Variants in CCDC18 observed in about 807,000 individuals in gnomAD.
CCDC18 encodes the protein coiled-coil domain containing 18.
CCDC18 carries 157 observed loss-of-function variants against 196.0 expected under a neutral mutation model. The observed-to-expected ratio is 0.80, with a 90% CI of 0.70 to 0.91. The LOEUF is 0.91. Among genes scored for constraint, CCDC18 ranks in the 40% least tolerant of loss-of-function variants. The pLI is 0.00. For missense variants in CCDC18, 1,465 were observed against 1,611.6 expected (o/e 0.91, Z 1.56); for synonymous variants, 482 against 529.2 (o/e 0.91, Z 1.22).
intron 18 of CCDC18, among the ~76,000 whole-genome samples, chr1:93,235,886 CAT>C (rs1660007801): frequency 6.6e-6 from 1 of 151,884 alleles, no homozygotes; most frequent in African/African-American, 2.4e-5. Context: ...CATTTGAGGT[CAT>C]GTGGAAATCT....
In CCDC18 at chr1:93,246,899, A is replaced by C; in HGVS notation, c.3143A>C (p.Lys1048Thr). The C allele has an allele frequency of 6.5e-7, 1 of 1,541,584 alleles. No individual in the cohort carries two copies. The highest frequency in any genetic ancestry group is 1.2e-5 in the South Asian group (1 of 84,878). ...HRGEMEQKII[K>T]LEGTLEKSEL... is the part of the protein sequence containing the mutation. ...GGAGAAATGGAACAAAAAATAATTA[A>C]ATTAGAAGGTACTCTGGAGAAATCA... Residue 1048 changes from lysine to threonine, a missense_variant, in exon 23 of 29, where the codon AAA becomes ACA. Lys to Thr is a moderately conservative substitution (Grantham distance 78). Coordinates refer to ENST00000690025, the MANE Select transcript of CCDC18 (RefSeq NM_001378204.1).
chr1:93,195,460 C>A (rs1047800380), intron 6 of CCDC18, among the ~76,000 whole-genome samples: 3 of 152,080 alleles, frequency 2.0e-5, no homozygotes, highest in African/African-American at 7.2e-5. Flanking sequence ...ACTCTTGGAG[C>A]TTTTTGAAGA....
At chr1:93,201,425 A>G (rs1485230543) in intron 6 of CCDC18, among the ~76,000 whole-genome samples, 1 of 152,112 alleles carries the variant, frequency 6.6e-6, no homozygotes, top group East Asian at 1.9e-4. Context: ...CTAGATTTTT[A>G]TATCTGGTAT....
At chr1:93,191,065 G>A in intron 4 of CCDC18, 1 of 739,248 alleles carries the variant, frequency 1.4e-6, no homozygotes, top group South Asian at 1.5e-5. Context: ...CACCATGTTT[G>A]CGGGAGTGCT....
rs780331743 is a variant in CCDC18, at chr1:93,246,903, A to G, written c.3147A>G (p.Leu1049=). 6.5e-6 allele frequency: 10 copies of G among 1,538,348 alleles called. No homozygotes were observed. The highest frequency in any genetic ancestry group is 8.9e-6 in the Non-Finnish European group (10 of 1,125,144). Reference sequence around the variant, plus strand: ...AAATGGAACAAAAAATAATTAAATTAGAAGGTACTCTGGAGAAATCAGAAT... The same window carrying G: ...AAATGGAACAAAAAATAATTAAATTGGAAGGTACTCTGGAGAAATCAGAAT... ...RGEMEQKIIK[L]EGTLEKSELE... The change falls in exon 23 of 29, where the codon TTA becomes TTG. Residue 1049 remains leucine, a synonymous_variant. Coordinates refer to ENST00000690025, the MANE Select transcript of CCDC18 (RefSeq NM_001378204.1).
At chr1:93,242,687 A>G (rs1660980689) in intron 21 of CCDC18, among the ~76,000 whole-genome samples, 1 of 152,186 alleles carries the variant, frequency 6.6e-6, no homozygotes, top group Non-Finnish European at 1.5e-5. Context: ...GTAAAATCAA[A>G]AGCAAGTTAG....
chr1:93,180,499 C>T (rs906934713), upstream of CCDC18: 5 of 1,532,826 alleles, frequency 3.3e-6, no homozygotes, highest in East Asian at 2.6e-5. Flanking sequence ...GTGAGCGCCG[C>T]CCGCCTCTCC....
chr1:93,226,267 A>C lies in CCDC18; in HGVS notation c.2176-66A>C, dbSNP rs1570446921. ...AGCAGTCAGGTAACATTAGGAGATA[A>C]ATCTGTAAAATATTGAGTATATCGT... is the stretch of plus-strand genomic sequence containing the variant. On this transcript the variant is annotated intron_variant, in intron 16 of 28. Coordinates refer to ENST00000690025, the MANE Select transcript of CCDC18 (RefSeq NM_001378204.1). 5 of 729,362 alleles carry C rather than the reference A, an allele frequency of 6.9e-6. No individual in the cohort carries two copies. In the East Asian group the frequency reaches 1.3e-4, roughly 19 times the overall value. 45.2% of individuals were successfully genotyped at this position (729,362 alleles called of 1,614,324 possible).
At chr1:93,183,187 C>G (rs1215473446) in intron 1 of CCDC18, among the ~76,000 whole-genome samples, 173 bp from the exon 2 acceptor site, 20 of 152,070 alleles carry the variant, frequency 1.3e-4, no homozygotes, top group Admixed American at 1.3e-3. Flanking sequence ...TATGGCTTTA[C>G]ACTACAGATA....
intron 14 of CCDC18, among the ~76,000 whole-genome samples, chr1:93,220,141 G>T (rs552135594): frequency 1.3e-5 from 2 of 152,122 alleles, no homozygotes; most frequent in African/African-American, 4.8e-5. Context: ...AAAGCACCCA[G>T]AGATAAATGA....
At position 93,226,315 on chromosome 1, in the gene CCDC18, G is replaced by GTTTTT; in HGVS notation, c.2176-18_2176-17insTTTTT. On this transcript the variant is annotated splice_polypyrimidine_tract_variant and intron_variant, in intron 16 of 28. Coordinates refer to ENST00000690025, the MANE Select transcript of CCDC18 (RefSeq NM_001378204.1). Reference sequence around the variant, plus strand: ...CGTTTTGTGTTTTTTTTTTTTTTTTGCTTTTTTTCCTGCTTAGGTTAGGCA... The same window carrying GTTTTT: ...CGTTTTGTGTTTTTTTTTTTTTTTTGTTTTTCTTTTTTTCCTGCTTAGGTTAGGCA... The GTTTTT allele has an allele frequency of 5.6e-6, 2 of 356,552 alleles. No individual in the cohort carries two copies. The highest frequency in any genetic ancestry group is 5.5e-5 in the East Asian group (1 of 18,090). 22.1% of individuals were successfully genotyped at this position (356,552 alleles called of 1,614,324 possible). A position where few individuals can be genotyped will look rare whatever the true frequency, so the allele number is the denominator to read the frequency against.
chr1:93,181,049 G>T (rs1482440123), intron 1 of CCDC18, among the ~76,000 whole-genome samples, 197 bp downstream of exon 1: 2 of 151,830 alleles, frequency 1.3e-5, no homozygotes, highest in Non-Finnish European at 2.9e-5. Flanking sequence ...GGGCGCAGTG[G>T]CTTACGCCTG....
rs544607532 is a variant in CCDC18, at chr1:93,191,919, C to T, written c.463-81C>T. 7.8e-6 allele frequency: 7 copies of T among 893,228 alleles called. No homozygotes were observed. In the Admixed American group the frequency reaches 1.3e-4, roughly 16 times the overall value. 55.3% of individuals were successfully genotyped at this position (893,228 alleles called of 1,614,324 possible). On this transcript the variant is annotated intron_variant, in intron 4 of 28. Transcript: ENST00000690025. ...ATTTGGGAGCCCTATTGAACACCCTCATCTGACAGGAAAAAAACTAAGGAC... is the reference window on the plus strand; with the variant it reads ...ATTTGGGAGCCCTATTGAACACCCTTATCTGACAGGAAAAAAACTAAGGAC...
rs917961879 is a variant in CCDC18, at chr1:93,232,533, A to G, written c.2400A>G (p.Leu800=). The change falls in exon 18 of 29, where the codon TTA becomes TTG. Residue 800 remains leucine, a synonymous_variant. Transcript: ENST00000690025. ...QHTLQQQQQM[L]QQETIRNGEL... is the part of the protein sequence containing the mutation. The stretch of plus-strand genomic sequence containing the variant: ...CTCTTCAGCAACAGCAGCAAATGTT[A>G]CAACAAGAGACAATTAGAAATGGAG... 5 of 1,612,814 alleles carry G rather than the reference A, an allele frequency of 3.1e-6. No individual in the cohort carries two copies. The highest frequency in any genetic ancestry group is 1.6e-4 in the Middle Eastern group (1 of 6,078).
intron 6 of CCDC18, among the ~76,000 whole-genome samples, chr1:93,199,248 G>A (rs1446988057): frequency 6.6e-6 from 1 of 152,248 alleles, no homozygotes; most frequent in Non-Finnish European, 1.5e-5. Flanking sequence ...GGGTGAGCTA[G>A]GTGCAGAATG....
chr1:93,204,850 CT>C (rs1654465509), intron 7 of CCDC18, among the ~76,000 whole-genome samples: 1 of 151,602 alleles, frequency 6.6e-6, no homozygotes, highest in Admixed American at 6.6e-5. Flanking sequence ...AAAGAGGGTC[CT>C]TGTGGGAATG....
intron 21 of CCDC18, among the ~76,000 whole-genome samples, chr1:93,245,000 G>GCTCTAACATAGCATTTAATA (rs1661305483): frequency 6.6e-6 from 1 of 152,094 alleles, no homozygotes; most frequent in Non-Finnish European, 1.5e-5. Flanking sequence ...TGCAGTTAAT[G>GCTCTAACATAGCATTTAATA]CTCTAACATA....
chr1:93,193,719 C>A lies in CCDC18; in HGVS notation c.673C>A (p.Leu225Ile). 6.4e-7 allele frequency: 1 copy of A among 1,573,572 alleles called. No individual in the cohort carries two copies. The highest frequency in any genetic ancestry group is 8.6e-7 in the Non-Finnish European group (1 of 1,165,364). ...ATGTATAAAATTAAAGGTGGACTTA[C>A]TTGAACAAACCAAACAAGGAAAAAG... is the stretch of plus-strand genomic sequence containing the variant. ...EECIKLKVDL[L>I]EQTKQGKRAE... The change falls in exon 6 of 29, where the codon CTT becomes ATT. Residue 225 changes from leucine (L) to isoleucine (I), a missense_variant. Physicochemically the swap from Leu to Ile is conservative, Grantham distance 5 (BLOSUM62 2). Coordinates refer to ENST00000690025, the MANE Select transcript of CCDC18 (RefSeq NM_001378204.1).
chr1:93,185,783 T>C (rs1650558694), intron 3 of CCDC18, among the ~76,000 whole-genome samples: 1 of 151,942 alleles, frequency 6.6e-6, no homozygotes, highest in African/African-American at 2.4e-5. Flanking sequence ...TTTCAAGTTT[T>C]GAATTGCATA....
Sources: gnomAD v4.1 joint callset for allele counts (sites outside exome capture counted in the v4.1 genomes callset) on GRCh38, gnomAD v4.1.1 for gene constraint, MANE v1.5 for transcripts, NCBI Gene and HGNC (gene_info 2026-07-23, HGNC 2026-07-21) for gene names.